The following LAMC1 variants were observed in gnomAD, a reference collection of about 807,000 sequenced individuals.
The protein encoded by LAMC1 is laminin subunit gamma 1, also known as laminin subunit gamma-1.
In LAMC1, 38 loss-of-function variants were observed where a neutral mutation model predicts 173.6. That is an observed-to-expected ratio of 0.22 (90% CI 0.17 to 0.29). LAMC1 has a LOEUF of 0.29. LAMC1 is among the 10% of genes least tolerant of loss of function. The pLI, the probability that LAMC1 is intolerant of heterozygous loss-of-function variation, is 1.00. For synonymous variants in LAMC1, 746 were observed against 749.1 expected (o/e 1.00, Z 0.07); for missense variants, 1,824 against 2,051.8 (o/e 0.89, Z 2.14).
chr1:183,052,366 A>G (rs10797823), intron 1 of LAMC1, among the ~76,000 whole-genome samples: 76,165 of 151,336 alleles, frequency 0.5, 19,747 homozygotes, highest in South Asian at 0.64. Context: ...ACACAGTCTC[A>G]CTCTGTCGCC....
intron 1 of LAMC1, among the ~76,000 whole-genome samples, chr1:183,064,364 A>G (rs909736375): frequency 3.3e-5 from 5 of 152,212 alleles, no homozygotes; most frequent in Non-Finnish European, 5.9e-5. Context: ...ATAAACCTGT[A>G]TAGCATGTGA....
intron 1 of LAMC1, among the ~76,000 whole-genome samples, chr1:183,045,480 A>G (rs1426809369): frequency 6.6e-6 from 1 of 152,058 alleles, no homozygotes; most frequent in Non-Finnish European, 1.5e-5. Flanking sequence ...CAACTTGCCA[A>G]TTGAAAAAAA....
intron 1 of LAMC1, among the ~76,000 whole-genome samples, chr1:183,039,846 T>TC (rs1654078358): frequency 6.6e-6 from 1 of 152,222 alleles, no homozygotes; most frequent in African/African-American, 2.4e-5. Context: ...GCTGTGTCTG[T>TC]CTCTATCTGT....
At chr1:183,123,119 GT>G (rs1656526268) in intron 13 of LAMC1, among the ~76,000 whole-genome samples, 2 of 152,032 alleles carry the variant, frequency 1.3e-5, no homozygotes, top group Non-Finnish European at 2.9e-5. Flanking sequence ...CTCCAGTCTT[GT>G]TCATCTTAGT....
intron 1 of LAMC1, among the ~76,000 whole-genome samples, chr1:183,028,058 G>A (rs1333803744): frequency 2.0e-5 from 3 of 152,016 alleles, no homozygotes; most frequent in Admixed American, 6.6e-5. Flanking sequence ...CTGTTCTACA[G>A]TTCACTGCTT....
At chr1:183,126,373 G>C in intron 16 of LAMC1, 111 bp downstream of exon 16, 2 of 1,086,074 alleles carry the variant, frequency 1.8e-6, no homozygotes, top group Non-Finnish European at 2.7e-6. Context: ...TCATAGTCAG[G>C]GCTGTACCTA....
Position 183,145,323 on chromosome 1 carries a change from T to C in LAMC1, c.*2533T>C, listed in dbSNP as rs1339683182. On this transcript the variant is annotated 3_prime_UTR_variant, in exon 28 of 28. Coordinates refer to ENST00000258341, the MANE Select transcript of LAMC1 (RefSeq NM_002293.4). ...CATTATTTTATTGTCTAGCTCCAGT[T>C]ATCTGTATTTTATGTAATGTAATTG... is the stretch of plus-strand genomic sequence containing the variant. 1 of 152,678 alleles carries C rather than the reference T, an allele frequency of 6.5e-6. No individual in the cohort carries two copies. Among genetic ancestry groups the C allele is most frequent in the African/African-American group, 2.4e-5 (1 of 41,458 alleles). The allele number at this position is 152,678 out of a possible 1,614,324, so 9.5% of individuals were successfully genotyped here. A position where few individuals can be genotyped will look rare whatever the true frequency, so the allele number is the denominator to read the frequency against.
chr1:183,112,395 A>C lies in LAMC1; in HGVS notation c.1021+1741A>C, dbSNP rs560308023. Among the ~76,000 whole-genome samples the C allele has an allele frequency of 3.3e-5, 5 of 152,346 alleles. No individual in the cohort carries two copies. The South Asian group carries it at 8.3e-4, about 25-fold the overall frequency. On this transcript the variant is annotated intron_variant, in intron 4 of 27. Coordinates refer to ENST00000258341, the MANE Select transcript of LAMC1 (RefSeq NM_002293.4). ...TGAGTCTATCCAGGAAGTTACTTAAAGAACCAAACATTGCCAATTCACCTC... is the reference window on the plus strand; with the variant it reads ...TGAGTCTATCCAGGAAGTTACTTAACGAACCAAACATTGCCAATTCACCTC...
chr1:183,034,295 G>A (rs1308139626), intron 1 of LAMC1, among the ~76,000 whole-genome samples: 1 of 152,038 alleles, frequency 6.6e-6, no homozygotes, highest in African/African-American at 2.4e-5. Flanking sequence ...TTCTGAGATG[G>A]AGTCTCACTC....
intron 1 of LAMC1, among the ~76,000 whole-genome samples, chr1:183,086,730 G>A (rs1320587701): frequency 6.6e-6 from 1 of 152,184 alleles, no homozygotes; most frequent in Non-Finnish European, 1.5e-5. Flanking sequence ...ACTCGACTGA[G>A]TACAGAATAT....
intron 5 of LAMC1, 108 bp from the exon 6 acceptor site, chr1:183,115,412 T>C: frequency 1.2e-5 from 9 of 755,244 alleles, no homozygotes; most frequent in Non-Finnish European, 2.1e-5. Context: ...GATTGCATAC[T>C]GGTTCTCAGG....
At chr1:183,114,445 T>C (rs1656259574) in intron 4 of LAMC1, 86 bp from the exon 5 acceptor site, 1 of 1,298,124 alleles carries the variant, frequency 7.7e-7, no homozygotes, top group Non-Finnish European at 1.1e-6. Flanking sequence ...CTCAGAGATG[T>C]GGGAAATTAT....
chr1:183,029,757 T>G (rs1653801109), intron 1 of LAMC1, among the ~76,000 whole-genome samples: 1 of 152,236 alleles, frequency 6.6e-6, no homozygotes, highest in Non-Finnish European at 1.5e-5. Context: ...GTTTCTACCT[T>G]TAAACCATGA....
At chr1:183,112,234 A>C (rs1236796826) in intron 4 of LAMC1, among the ~76,000 whole-genome samples, 1 of 152,164 alleles carries the variant, frequency 6.6e-6, no homozygotes, top group Non-Finnish European at 1.5e-5. Context: ...CTTTAATTCC[A>C]TTACTGAACT....
chr1:183,137,617 T>A, intron 25 of LAMC1, 52 bp from the exon 26 acceptor site: 1 of 1,318,100 alleles, frequency 7.6e-7, no homozygotes, highest in South Asian at 1.7e-5. Context: ...GGAGCATACT[T>A]GAGAAAAAGG....
chr1:183,090,528 T>C (rs562886791), intron 1 of LAMC1, among the ~76,000 whole-genome samples: 1 of 152,300 alleles, frequency 6.6e-6, no homozygotes, highest in African/African-American at 2.4e-5. Context: ...CAGTCACTTG[T>C]AGAGAGAGTG....
At chr1:183,048,900 A>C (rs1379910869) in intron 1 of LAMC1, among the ~76,000 whole-genome samples, 1 of 152,148 alleles carries the variant, frequency 6.6e-6, no homozygotes, top group Non-Finnish European at 1.5e-5. Context: ...ACCAGGTATC[A>C]CTTCCTCCTA....
chr1:183,054,252 A>G (rs1654522112), intron 1 of LAMC1, among the ~76,000 whole-genome samples: 1 of 152,226 alleles, frequency 6.6e-6, no homozygotes, highest in South Asian at 2.1e-4. Flanking sequence ...CCTCAGCACA[A>G]CCCAGTGCGG....
At chr1:183,111,854 G>A (rs1425146422) in intron 4 of LAMC1, among the ~76,000 whole-genome samples, 5 of 152,120 alleles carry the variant, frequency 3.3e-5, no homozygotes, top group Non-Finnish European at 7.3e-5. Context: ...GGCCAACATG[G>A]TGAAACCCCG....
Sources: gnomAD v4.1 joint callset for allele counts (sites outside exome capture counted in the v4.1 genomes callset) on GRCh38, gnomAD v4.1.1 for gene constraint, MANE v1.5 for transcripts, NCBI Gene and HGNC (gene_info 2026-07-23, HGNC 2026-07-21) for gene names.